DOCK9: variants seen among roughly 807,000 people sequenced by gnomAD.
DOCK9 encodes dedicator of cytokinesis 9, also known as dedicator of cytokinesis protein 9.
Under a neutral mutation model 263.3 loss-of-function variants are expected in DOCK9, and 89 were observed. The observed-to-expected ratio is 0.34, with a 90% CI of 0.28 to 0.40. The LOEUF (loss-of-function observed/expected upper bound fraction) is 0.40. Ranked by LOEUF, DOCK9 falls within the 10% of genes least tolerant of loss-of-function variation. The pLI is 1.00. For missense variants in DOCK9, 2,140 were observed against 2,603.4 expected (o/e 0.82, Z 3.87); for synonymous variants, 976 against 973.1 (o/e 1.00, Z -0.06).
intron 1 of DOCK9, among the ~76,000 whole-genome samples, chr13:98,962,440 T>C (rs1376890667): frequency 1.3e-5 from 2 of 152,160 alleles, no homozygotes; most frequent in African/African-American, 4.8e-5. Context: ...TCTGCCCTGA[T>C]AGGGTCGTGT....
chr13:98,840,054 C>T (rs1194410013), intron 38 of DOCK9, among the ~76,000 whole-genome samples: 2 of 152,170 alleles, frequency 1.3e-5, no homozygotes, highest in South Asian at 2.1e-4. Flanking sequence ...TAATTGGCAG[C>T]ATAGAGAGGC....
chr13:98,795,546 T>A (rs1353062580), intron 52 of DOCK9, among the ~76,000 whole-genome samples: 1 of 152,182 alleles, frequency 6.6e-6, no homozygotes, highest in African/African-American at 2.4e-5. Context: ...CCCTGTACTT[T>A]GGGAGTTTAA....
At chr13:98,814,506 A>G (rs1403244637) in intron 45 of DOCK9, among the ~76,000 whole-genome samples, 1 of 151,490 alleles carries the variant, frequency 6.6e-6, no homozygotes, top group Non-Finnish European at 1.5e-5. Context: ...CCCGGATTCA[A>G]GTGATTCTCC....
chr13:98,924,306 A>T (rs1047542473), intron 4 of DOCK9, among the ~76,000 whole-genome samples: 5 of 152,378 alleles, frequency 3.3e-5, no homozygotes, highest in African/African-American at 1.2e-4. Flanking sequence ...CCACACAAGG[A>T]GGAAAAACAA....
rs374258076 is a variant in DOCK9, at chr13:98,920,597, C to T, written c.717+357G>A. ...CTACAATGCTAGCGATAAAAATCAC[C>T]ACTGAGATACTATGAAGTGTTTTAA... On this transcript the variant is annotated intron_variant, in intron 7 of 52. Coordinates refer to ENST00000682017, the MANE Select transcript of DOCK9 (RefSeq NM_001366683.2). 1.2e-4 allele frequency among the ~76,000 whole-genome samples: 18 copies of T among 152,334 alleles called. No homozygotes were observed. In the South Asian group the frequency reaches 3.3e-3, roughly 28 times the overall value.
In DOCK9 at chr13:98,829,529, C is replaced by T. The variant is rs117865973; in HGVS notation, c.4750-7G>A. The T allele has an allele frequency of 0.02, 31,647 of 1,609,564 alleles. 372 individuals are homozygous for T. The highest frequency in any genetic ancestry group is 0.026 in the Middle Eastern group (159 of 6,054). On this transcript the variant is annotated splice_region_variant and splice_polypyrimidine_tract_variant and intron_variant, in intron 42 of 52. Transcript: ENST00000682017. This position sits in a 1 kb window ranked among gnomAD's most constrained non-coding sequence, Gnocchi z 4.1. The stretch of plus-strand genomic sequence containing the variant: ...CAGAGGAGAAGCTGGTGTGCTAAAA[C>T]AAGGGTGGAAGAGGAAAGGACACAT...
intron 1 of DOCK9, among the ~76,000 whole-genome samples, chr13:99,030,309 A>AT (rs1887197034): frequency 1.3e-5 from 2 of 152,264 alleles, no homozygotes; most frequent in African/African-American, 4.8e-5. Flanking sequence ...CATATGAAAT[A>AT]AATCATAAGA....
chr13:98,981,088 G>A (rs567992413), upstream of DOCK9, among the ~76,000 whole-genome samples: 1 of 150,798 alleles, frequency 6.6e-6, no homozygotes, highest in East Asian at 2.0e-4. Flanking sequence ...GCAGGGTTTG[G>A]CTCTGCTGCC....
At chr13:98,880,451 C>G (rs535907706) in intron 26 of DOCK9, 96 bp downstream of exon 26, 1 of 1,530,698 alleles carries the variant, frequency 6.5e-7, no homozygotes, top group East Asian at 2.3e-5. Flanking sequence ...TGGTGTTTGT[C>G]TCTAAGAGCA....
intron 2 of DOCK9, among the ~76,000 whole-genome samples, chr13:98,940,944 C>A (rs1041621341): frequency 2.0e-5 from 3 of 152,160 alleles, no homozygotes; most frequent in Non-Finnish European, 4.4e-5. Context: ...TTCAGTGACG[C>A]CTCATTGCCA....
chr13:99,056,160 G>A (rs551512573), intron 1 of DOCK9, among the ~76,000 whole-genome samples: 4 of 152,208 alleles, frequency 2.6e-5, no homozygotes, highest in South Asian at 4.1e-4. Flanking sequence ...TCCTGTAAAC[G>A]GAGTGCCAAA....
chr13:98,843,895 C>T (rs1429819470), intron 38 of DOCK9, among the ~76,000 whole-genome samples: 2 of 152,208 alleles, frequency 1.3e-5, no homozygotes. Context: ...ACATGTGGAC[C>T]ATTCATTTAA....
chr13:98,797,639 C>A, intron 50 of DOCK9, 150 bp from the exon 51 acceptor site: 1 of 653,608 alleles, frequency 1.5e-6, no homozygotes, highest in South Asian at 1.9e-5. Context: ...AAAGAAACCA[C>A]AAAGTTCACT....
intron 1 of DOCK9, among the ~76,000 whole-genome samples, chr13:98,987,885 CA>C (rs1247233054): frequency 6.6e-6 from 1 of 151,754 alleles, no homozygotes; most frequent in Non-Finnish European, 1.5e-5. Flanking sequence ...GGGAGAGCCA[CA>C]AAAAATATTG....
At chr13:98,914,664 G>A (rs551286528) in intron 8 of DOCK9, among the ~76,000 whole-genome samples, 19 of 152,254 alleles carry the variant, frequency 1.2e-4, no homozygotes, top group East Asian at 3.9e-4. Context: ...ACATGGACAC[G>A]TCCATGAGAC....
chr13:98,816,602 C>T (rs1453926213), intron 45 of DOCK9, among the ~76,000 whole-genome samples: 1 of 151,670 alleles, frequency 6.6e-6, no homozygotes, highest in Non-Finnish European at 1.5e-5. Context: ...GCACGAATAA[C>T]GAAATGTGCA....
chr13:99,029,077 GC>G (rs1887073551), intron 1 of DOCK9, among the ~76,000 whole-genome samples: 1 of 152,202 alleles, frequency 6.6e-6, no homozygotes, highest in South Asian at 2.1e-4. Flanking sequence ...CTTCCTGCTG[GC>G]TTTAGCTCTC....
chr13:98,970,038 A>C (rs12867499), intron 1 of DOCK9, among the ~76,000 whole-genome samples: 2 of 152,092 alleles, frequency 1.3e-5, no homozygotes, highest in Non-Finnish European at 2.9e-5. Context: ...TCTGTTGCCC[A>C]GGCTGGAGTG....
chr13:98,794,098 A>C lies in DOCK9; in HGVS notation c.*528T>G, dbSNP rs1412854464. 6.5e-6 allele frequency: 1 copy of C among 152,762 alleles called. No homozygotes were observed. Among genetic ancestry groups the C allele is most frequent in the African/African-American group, 2.4e-5 (1 of 41,454 alleles). 9.5% of individuals were successfully genotyped at this position (152,762 alleles called of 1,614,324 possible). A position where few individuals can be genotyped will look rare whatever the true frequency, so the allele number is the denominator to read the frequency against. On this transcript the variant is annotated 3_prime_UTR_variant, in exon 53 of 53. Transcript: ENST00000682017. ...CAAGGAAATGAATATAAAAGCACTA[A>C]ATCTCCTGGTTCACTGGTACAAAAA... is the stretch of plus-strand genomic sequence containing the variant.
Sources: gnomAD v4.1 joint callset for allele counts (sites outside exome capture counted in the v4.1 genomes callset) on GRCh38, gnomAD v4.1.1 for gene constraint, Gnocchi (gnomAD v3.1) non-coding constraint, MANE v1.5 for transcripts, NCBI Gene and HGNC (gene_info 2026-07-23, HGNC 2026-07-21) for gene names.